The following OTUD3 variants were observed in gnomAD, a reference collection of about 807,000 sequenced individuals.
OTUD3 encodes OTU deubiquitinase 3.
In OTUD3, 24 loss-of-function variants were observed where a neutral mutation model predicts 46.2. The ratio of observed to expected loss-of-function variants is 0.52; its 90% CI spans 0.38 to 0.73. OTUD3 has a LOEUF of 0.73. Ranked by LOEUF, OTUD3 falls within the 30% of genes least tolerant of loss-of-function variation. The pLI is 0.00. For missense variants in OTUD3, 455 were observed against 523.3 expected, an observed-to-expected ratio of 0.87 and a Z score of 1.27; for synonymous variants, 189 against 195.4, an observed-to-expected ratio of 0.97 and a Z score of 0.27.
chr1:19,907,946 A>T lies in OTUD3; in HGVS notation c.*200A>T. ...TAGTGATATGTTGGTGTTTTATGAA[A>T]ATGCAGTGAGGCCATTCATATTCTG... is the stretch of plus-strand genomic sequence containing the variant. On this transcript the variant is annotated 3_prime_UTR_variant, in exon 8 of 8. Transcript: ENST00000375120. 2.0e-6 allele frequency: 1 copy of T among 501,442 alleles called. No homozygotes were observed. The highest frequency in any genetic ancestry group is 3.6e-5 in the South Asian group (1 of 27,652). 31.1% of individuals were successfully genotyped at this position (501,442 alleles called of 1,614,324 possible). A position where few individuals can be genotyped will look rare whatever the true frequency, so the allele number is the denominator to read the frequency against.
chr1:19,906,649 G>A (rs766292922), intron 7 of OTUD3, 33 bp downstream of exon 7: 13 of 1,552,342 alleles, frequency 8.4e-6, no homozygotes, highest in Non-Finnish European at 1.1e-5. Flanking sequence ...GGCAGGTGGT[G>A]GGCAGGTGTA....
chr1:19,899,958 A>C (rs1187501700), intron 4 of OTUD3, among the ~76,000 whole-genome samples: 2 of 152,066 alleles, frequency 1.3e-5, no homozygotes, highest in East Asian at 3.9e-4. Flanking sequence ...TTTATGTATT[A>C]GGGAAATTAG....
At chr1:19,905,985 TG>T (rs1330451434) in intron 6 of OTUD3, among the ~76,000 whole-genome samples, 9 of 152,250 alleles carry the variant, frequency 5.9e-5, no homozygotes, top group Admixed American at 5.9e-4. Flanking sequence ...CAGTATAGTG[TG>T]TACCTGCCAC....
chr1:19,902,851 C>G (rs2045609269), intron 4 of OTUD3, among the ~76,000 whole-genome samples: 1 of 151,890 alleles, frequency 6.6e-6, no homozygotes, highest in African/African-American at 2.4e-5. Context: ...TGGCTGTTAC[C>G]TCCAAAATAT....
chr1:19,893,367 A>G (rs2045475482), intron 2 of OTUD3, among the ~76,000 whole-genome samples: 1 of 152,140 alleles, frequency 6.6e-6, no homozygotes, highest in Non-Finnish European at 1.5e-5. Flanking sequence ...GCAGATCAAT[A>G]CTACTAGCCA....
At position 19,897,576 on chromosome 1, in the gene OTUD3, C is replaced by G; in HGVS notation, c.520C>G (p.His174Asp). Residue 174 changes from histidine (H) to aspartate (D), a missense_variant, in exon 4 of 8, where the codon CAC becomes GAC. By Grantham distance (81) the His-to-Asp change is moderately conservative. Coordinates refer to ENST00000375120, the MANE Select transcript of OTUD3 (RefSeq NM_015207.2). Reference protein sequence around the residue: ...GTEKSSVRELHIAYRYGEHYD... With the variant: ...GTEKSSVRELDIAYRYGEHYD... ...AGAGAAAAGCAGCGTGAGGGAGTTA[C>G]ACATCGCATATCGGTATGGAGAGCA... The G allele has an allele frequency of 1.2e-6, 2 of 1,614,042 alleles. No homozygotes were observed. Among genetic ancestry groups the G allele is most frequent in the Non-Finnish European group, 8.5e-7 (1 of 1,179,954 alleles).
intron 2 of OTUD3, among the ~76,000 whole-genome samples, chr1:19,891,347 T>A (rs1380915178): frequency 6.6e-6 from 1 of 152,236 alleles, no homozygotes; most frequent in Non-Finnish European, 1.5e-5. Flanking sequence ...ACAAATGGCA[T>A]TTTCATCACA....
chr1:19,886,252 TGG>T (rs2045358342), intron 1 of OTUD3, among the ~76,000 whole-genome samples: 1 of 152,248 alleles, frequency 6.6e-6, no homozygotes, highest in Non-Finnish European at 1.5e-5. Context: ...CTTATCTAGT[TGG>T]GTCTTACTAA....
chr1:19,892,936 C>T (rs770302648), intron 2 of OTUD3, among the ~76,000 whole-genome samples: 3 of 152,048 alleles, frequency 2.0e-5, no homozygotes, highest in African/African-American at 4.8e-5. Context: ...TCTTGCCATT[C>T]CCCCCAACAT....
chr1:19,899,716 T>C lies in OTUD3; in HGVS notation c.606+2054T>C, dbSNP rs115576006. Reference sequence around the variant, plus strand: ...CACCGGTTTAAACTCCCACCTGCAATATGTGGCTCTTTTCCTGCACGGTGC... The same window carrying C: ...CACCGGTTTAAACTCCCACCTGCAACATGTGGCTCTTTTCCTGCACGGTGC... On this transcript the variant is annotated intron_variant, in intron 4 of 7. Transcript: ENST00000375120. Among the ~76,000 whole-genome samples, 204 of 152,346 alleles carry C rather than the reference T, an allele frequency of 1.3e-3. 2 individuals carry two copies. The highest frequency in any genetic ancestry group is 0.01 in the Middle Eastern group (3 of 294).
rs2045726150 is a variant in OTUD3, at chr1:19,910,964, T to A, written c.*3218T>A. The A allele has an allele frequency of 6.6e-6, 1 of 152,354 alleles. No individual in the cohort carries two copies. The highest frequency in any genetic ancestry group is 1.5e-5 in the Non-Finnish European group (1 of 68,062). 9.4% of individuals were successfully genotyped at this position (152,354 alleles called of 1,614,324 possible). ...TGCAATTTCTCTAATTCTGAGAAAC[T>A]CTGTAGACTCTGCCTGGGTTTTACT... On this transcript the variant is annotated 3_prime_UTR_variant, in exon 8 of 8. Coordinates refer to ENST00000375120, the MANE Select transcript of OTUD3 (RefSeq NM_015207.2).
intron 1 of OTUD3, among the ~76,000 whole-genome samples, chr1:19,883,138 T>G (rs1231656721): frequency 5.3e-5 from 8 of 152,228 alleles, no homozygotes. Context: ...GGAGTTTGAG[T>G]AAGCCCCACT....
intron 1 of OTUD3, among the ~76,000 whole-genome samples, chr1:19,886,544 A>G (rs531448040): frequency 1.3e-5 from 2 of 152,262 alleles, no homozygotes; most frequent in Admixed American, 1.3e-4. Context: ...GAAACAATTC[A>G]GGGCCTGGGC....
chr1:19,885,468 C>A (rs986111436), intron 1 of OTUD3, among the ~76,000 whole-genome samples: 1 of 152,100 alleles, frequency 6.6e-6, no homozygotes, highest in African/African-American at 2.4e-5. Context: ...TCTTCTACCC[C>A]CCTCAGACGG....
In OTUD3 at chr1:19,890,489, A is replaced by G; in HGVS notation, c.326A>G (p.Asp109Gly). Residue 109 changes from aspartate to glycine, a missense_variant, in exon 2 of 8, where the codon GAT becomes GGT. By Grantham distance (94) the Asp-to-Gly change is moderately conservative. Transcript: ENST00000375120. ...TVDYMIKQRE[D>G]FEPFVEDDIP... ...GACTACATGATAAAGCAGCGGGAAG[A>G]TTTTGAACCCTTTGTAGAAGATGAC... 1 of 1,613,972 alleles carries G rather than the reference A, an allele frequency of 6.2e-7. No individual in the cohort carries two copies. The highest frequency in any genetic ancestry group is 8.5e-7 in the Non-Finnish European group (1 of 1,179,846).
At chr1:19,906,650 G>A in intron 7 of OTUD3, 34 bp downstream of exon 7, 4 of 1,551,040 alleles carry the variant, frequency 2.6e-6, no homozygotes, top group South Asian at 2.3e-5. Flanking sequence ...GCAGGTGGTG[G>A]GCAGGTGTAA....
At chr1:19,907,100 C>G (rs2045671158) in intron 7 of OTUD3, among the ~76,000 whole-genome samples, 1 of 152,144 alleles carries the variant, frequency 6.6e-6, no homozygotes, top group African/African-American at 2.4e-5. Context: ...CCCTCCCTGC[C>G]CTTCACTCCC....
intron 4 of OTUD3, among the ~76,000 whole-genome samples, chr1:19,900,291 C>T (rs1557679764): frequency 6.6e-6 from 1 of 152,058 alleles, no homozygotes; most frequent in Non-Finnish European, 1.5e-5. Context: ...GCAGCCTCAA[C>T]CTCCCAGGCT....
At position 19,882,435 on chromosome 1, in the gene OTUD3, T is replaced by G; in HGVS notation, c.-79T>G. Reference sequence around the variant, plus strand: ...CCGGGCTCCGTTGCCCGCGCTGTTTTACCTTCCCAACGCTTGAGGCGGACG... The same window carrying G: ...CCGGGCTCCGTTGCCCGCGCTGTTTGACCTTCCCAACGCTTGAGGCGGACG... On this transcript the variant is annotated 5_prime_UTR_variant, in exon 1 of 8. Transcript: ENST00000375120. 7.6e-7 allele frequency: 1 copy of G among 1,309,446 alleles called. No homozygotes were observed. The highest frequency in any genetic ancestry group is 9.7e-7 in the Non-Finnish European group (1 of 1,034,996). 81.1% of individuals were successfully genotyped at this position (1,309,446 alleles called of 1,614,324 possible). A position where few individuals can be genotyped will look rare whatever the true frequency, so the allele number is the denominator to read the frequency against.
Sources: allele counts gnomAD v4.1 joint callset (sites outside exome capture counted in the v4.1 genomes callset), GRCh38; gene constraint gnomAD v4.1.1; transcripts MANE v1.5; gene names NCBI Gene and HGNC (gene_info 2026-07-23, HGNC 2026-07-21).